The following USP8 variants were observed in gnomAD, a reference collection of about 807,000 sequenced individuals.
The protein encoded by USP8 is ubiquitin specific peptidase 8, also known as ubiquitin carboxyl-terminal hydrolase 8.
USP8 carries 27 observed loss-of-function variants against 130.0 expected under a neutral mutation model. That is an observed-to-expected ratio of 0.21 (90% CI 0.15 to 0.29). USP8 has a LOEUF of 0.29. USP8 is among the 10% of genes least tolerant of loss of function. The probability of loss-of-function intolerance (pLI) is 1.00; values close to 1 mark genes in which losing one functional copy is unlikely to be tolerated. For synonymous variants in USP8, 392 were observed against 444.1 expected, an observed-to-expected ratio of 0.88 and a Z score of 1.48; for missense variants, 1,029 against 1,312.2, an observed-to-expected ratio of 0.78 and a Z score of 3.33.
chr15:50,445,840 G>C (rs2050421148), intron 3 of USP8, among the ~76,000 whole-genome samples: 2 of 145,300 alleles, frequency 1.4e-5, no homozygotes, highest in African/African-American at 5.1e-5. Flanking sequence ...CTGGGCAACA[G>C]AGCAAGACTC....
At position 50,472,614 on chromosome 15, in the gene USP8, A is replaced by T. The variant is rs1315711186; in HGVS notation, c.849+819A>T. The stretch of plus-strand genomic sequence containing the variant: ...TCTGTCTGGAAAAAAAAAAAAAAAA[A>T]ATATTGCAAGGCAGGGCCAGGCGTG... On this transcript the variant is annotated intron_variant, in intron 8 of 19. Transcript: ENST00000307179. Among the ~76,000 whole-genome samples, 21 of 150,958 alleles carry T rather than the reference A, an allele frequency of 1.4e-4. No individual in the cohort carries two copies. The South Asian group carries it at 2.7e-3, about 20-fold the overall frequency.
chr15:50,475,230 T>C (rs1180218526), intron 8 of USP8, among the ~76,000 whole-genome samples: 2 of 152,178 alleles, frequency 1.3e-5, no homozygotes, highest in Non-Finnish European at 2.9e-5. Context: ...CATTCACTGT[T>C]TACTAAAAAA....
chr15:50,424,882 A>G (rs1372395121), intron 1 of USP8, among the ~76,000 whole-genome samples: 1 of 151,634 alleles, frequency 6.6e-6, no homozygotes, highest in Admixed American at 6.6e-5. Context: ...TAGCTCCTAA[A>G]ACTGTTTCCC....
At chr15:50,436,659 A>C (rs981879577) in intron 1 of USP8, among the ~76,000 whole-genome samples, 3 of 151,584 alleles carry the variant, frequency 2.0e-5, no homozygotes, top group African/African-American at 7.3e-5. Context: ...CATCATGCCC[A>C]GCTAATTTTT....
intron 2 of USP8, 42 bp from the exon 3 acceptor site, chr15:50,441,307 G>T: frequency 6.5e-7 from 1 of 1,533,748 alleles, no homozygotes; most frequent in Non-Finnish European, 8.7e-7. Flanking sequence ...TTTTTTCCCA[G>T]ATGTCAATTG....
At chr15:50,442,771 A>G (rs868654210) in intron 3 of USP8, among the ~76,000 whole-genome samples, 1 of 152,154 alleles carries the variant, frequency 6.6e-6, no homozygotes, top group Non-Finnish European at 1.5e-5. Context: ...AAAACAAACT[A>G]GCAAAAAAAG....
intron 13 of USP8, 113 bp from the exon 14 acceptor site, chr15:50,490,150 G>C (rs1397147584): frequency 1.7e-6 from 2 of 1,195,526 alleles, no homozygotes; most frequent in African/African-American, 3.1e-5. Context: ...CATTTTATTC[G>C]AATTATTTTA....
intron 3 of USP8, 24 bp from the exon 4 acceptor site, chr15:50,449,376 G>A: frequency 6.7e-7 from 1 of 1,483,612 alleles, no homozygotes; most frequent in Non-Finnish European, 9.2e-7. Flanking sequence ...CTAACAATAT[G>A]GGATGGTTTT....
intron 16 of USP8, 46 bp from the exon 17 acceptor site, chr15:50,495,802 T>TTTTC (rs1238996458): frequency 6.9e-7 from 1 of 1,439,040 alleles, no homozygotes; most frequent in African/African-American, 1.4e-5. Context: ...AATTTAAATG[T>TTTTC]TTTCTTTGAG....
At chr15:50,459,192 G>T in intron 5 of USP8, 30 bp downstream of exon 5, 2 of 1,586,176 alleles carry the variant, frequency 1.3e-6, no homozygotes, top group South Asian at 2.3e-5. Flanking sequence ...TGAGTTAAAA[G>T]ACTGTTTCTG....
In USP8 at chr15:50,492,630, A is replaced by G. The variant is rs944968152; in HGVS notation, c.2235-71A>G. The stretch of plus-strand genomic sequence containing the variant: ...GGTACAGGTGCTACAGTTTGCTGCC[A>G]TTTATAGTATAGAACCTTAATTTCA... On this transcript the variant is annotated intron_variant, in intron 14 of 19. Coordinates refer to ENST00000307179, the MANE Select transcript of USP8 (RefSeq NM_005154.5). 4 of 1,509,678 alleles carry G rather than the reference A, an allele frequency of 2.6e-6. No homozygotes were observed. In the African/African-American group the frequency reaches 5.5e-5, roughly 21 times the overall value. The allele number at this position is 1,509,678 out of a possible 1,614,324, so 93.5% of individuals were successfully genotyped here. A position where few individuals can be genotyped will look rare whatever the true frequency, so the allele number is the denominator to read the frequency against.
At chr15:50,471,025 T>G (rs796093328) in intron 7 of USP8, among the ~76,000 whole-genome samples, 1 of 152,218 alleles carries the variant, frequency 6.6e-6, no homozygotes, top group Non-Finnish European at 1.5e-5. Context: ...CCAGATTGCC[T>G]GAATTTTAAT....
chr15:50,435,072 C>T (rs748829116), intron 1 of USP8, among the ~76,000 whole-genome samples: 3 of 152,040 alleles, frequency 2.0e-5, no homozygotes, highest in Non-Finnish European at 4.4e-5. Flanking sequence ...TTTTTTTAAA[C>T]GATTGTAGCC....
intron 8 of USP8, among the ~76,000 whole-genome samples, chr15:50,472,158 C>G (rs1217241092): frequency 6.6e-6 from 1 of 151,914 alleles, no homozygotes; most frequent in Non-Finnish European, 1.5e-5. Flanking sequence ...GCCTTGGCAT[C>G]CCAAAGTGCT....
At chr15:50,432,148 C>T (rs959108468) in intron 1 of USP8, among the ~76,000 whole-genome samples, 1 of 152,184 alleles carries the variant, frequency 6.6e-6, no homozygotes, top group African/African-American at 2.4e-5. Context: ...CATGAAGAAA[C>T]AAATTCCAAG....
chr15:50,489,758 A>T (rs571244859), intron 12 of USP8, 43 bp from the exon 13 acceptor site: 71 of 1,303,450 alleles, frequency 5.4e-5, no homozygotes, highest in East Asian at 1.2e-4. Flanking sequence ...AATCAGATTT[A>T]AAAAAAATTT....
At position 50,445,956 on chromosome 15, in the gene USP8, CATCTT is replaced by C. The variant is rs539410094; in HGVS notation, c.250-3441_250-3437del. On this transcript the variant is annotated intron_variant, in intron 3 of 19. Coordinates refer to ENST00000307179, the MANE Select transcript of USP8 (RefSeq NM_005154.5). ...TACATTTTATTACTTATCAAAAAGT[CATCTT>C]ATGAATAATTCTTTCAGGGTTATCT... 3.5e-3 allele frequency among the ~76,000 whole-genome samples: 525 copies of C among 151,970 alleles called. 1 individual carries two copies. Among genetic ancestry groups the C allele is most frequent in the African/African-American group, 0.012 (498 of 41,458 alleles).
chr15:50,483,422 G>C (rs1277629488), intron 11 of USP8, among the ~76,000 whole-genome samples: 1 of 152,132 alleles, frequency 6.6e-6, no homozygotes, highest in African/African-American at 2.4e-5. Flanking sequence ...AATAAATTTT[G>C]TTAAAATTAT....
chr15:50,447,651 C>T (rs1223430793), intron 3 of USP8, among the ~76,000 whole-genome samples: 4 of 151,856 alleles, frequency 2.6e-5, no homozygotes, highest in Non-Finnish European at 5.9e-5. Context: ...CAACCTCTGC[C>T]TCCCGGGTTC....
Sources: allele counts gnomAD v4.1 joint callset (sites outside exome capture counted in the v4.1 genomes callset), GRCh38; gene constraint gnomAD v4.1.1; transcripts MANE v1.5; gene names NCBI Gene and HGNC (gene_info 2026-07-23, HGNC 2026-07-21).